BCR: variants seen among roughly 807,000 people sequenced by gnomAD.
BCR encodes the protein BCR activator of RhoGEF and GTPase.
Under a neutral mutation model 138.6 loss-of-function variants are expected in BCR, and 58 were observed. That is an observed-to-expected ratio of 0.42 (90% CI 0.34 to 0.52). The LOEUF is 0.52. Among genes scored for constraint, BCR ranks in the 20% least tolerant of loss-of-function variants. BCR has a pLI of 0.06. For missense variants in BCR, 1,599 were observed against 1,727.2 expected (o/e 0.93, Z 1.32); for synonymous variants, 786 against 730.1 (o/e 1.08, Z -1.23).
intron 1 of BCR, among the ~76,000 whole-genome samples, chr22:23,243,519 G>C (rs905345128): frequency 2.0e-5 from 3 of 152,136 alleles, no homozygotes; most frequent in African/African-American, 4.8e-5. Context: ...AGAGGCCATG[G>C]AAGCTCCCCC....
chr22:23,295,273 G>A (rs1283768602), intron 16 of BCR, 118 bp downstream of exon 16: 5 of 1,273,832 alleles, frequency 3.9e-6, no homozygotes, highest in South Asian at 3.0e-5. Flanking sequence ...GTGGGCAGCT[G>A]TGGCTCTGAA....
rs753244647 is a variant in BCR at position 23,235,323 on chromosome 22, G to T, written c.1280-18476G>T. On this transcript the variant is annotated intron_variant, in intron 1 of 22. Coordinates refer to ENST00000305877, the MANE Select transcript of BCR (RefSeq NM_004327.4). ...TCGAACTCCTGACCTCAAGTGATCC[G>T]CCTGCCTTGGCATCCCAAAGTGCTG... Among the ~76,000 whole-genome samples the T allele has an allele frequency of 4.2e-5, 6 of 144,050 alleles. 2 individuals carry two copies. The highest frequency in any genetic ancestry group is 9.5e-5 in the Non-Finnish European group (6 of 63,372). 94.5% of individuals were successfully genotyped at this position (144,050 alleles called of 152,430 possible).
intron 5 of BCR, among the ~76,000 whole-genome samples, 168 bp downstream of exon 5, chr22:23,268,683 C>T (rs1423593832): frequency 6.6e-6 from 1 of 152,168 alleles, no homozygotes; most frequent in African/African-American, 2.4e-5. Flanking sequence ...TGCTGTTGTG[C>T]GCAGACCGAA....
At chr22:23,297,971 C>G (rs2073864501) in intron 16 of BCR, among the ~76,000 whole-genome samples, 1 of 152,226 alleles carries the variant, frequency 6.6e-6, no homozygotes, top group Non-Finnish European at 1.5e-5. Context: ...CACCCCACCC[C>G]ATCCCGGGGA....
Position 23,180,929 on chromosome 22 carries a change from A to G in BCR, c.-32A>G, listed in dbSNP as rs1289132709. The G allele has an allele frequency of 9.7e-6, 11 of 1,128,524 alleles. No individual in the cohort carries two copies. Among genetic ancestry groups the G allele is most frequent in the African/African-American group, 6.7e-5 (4 of 60,108 alleles). The allele number at this position is 1,128,524 out of a possible 1,614,324, so 69.9% of individuals were successfully genotyped here. ...CGCCGCTGAGACGGGCCCCGCGCGC[A>G]GCCCGGCGGCGCAGGTAAGGCCGGC... On this transcript the variant is annotated 5_prime_UTR_variant, in exon 1 of 23. Transcript: ENST00000305877.
chr22:23,264,052 G>A, intron 4 of BCR: 1 of 1,054,368 alleles, frequency 9.5e-7, no homozygotes, highest in Non-Finnish European at 1.5e-6. Context: ...CTCTCCTGTG[G>A]CTATGACACC....
At chr22:23,235,096 GT>G (rs1360116595) in intron 1 of BCR, among the ~76,000 whole-genome samples, 1 of 143,802 alleles carries the variant, frequency 7.0e-6, no homozygotes, top group Non-Finnish European at 1.6e-5. Context: ...GTTCTGTGGG[GT>G]TTTTTGTTTT....
intron 2 of BCR, among the ~76,000 whole-genome samples, chr22:23,254,215 A>T (rs368207741): frequency 4.3e-4 from 65 of 152,078 alleles, no homozygotes; most frequent in African/African-American, 1.4e-3. Context: ...GGCAGGCAGC[A>T]TGTGGTCTTG....
intron 1 of BCR, chr22:23,199,324 T>A: frequency 3.9e-6 from 2 of 518,360 alleles, no homozygotes; most frequent in Non-Finnish European, 7.7e-6. Context: ...CCGCCATGCC[T>A]GTGTCATCTC....
chr22:23,263,506 C>G (rs2146278802), intron 4 of BCR: 1 of 1,572,308 alleles, frequency 6.4e-7, no homozygotes, highest in East Asian at 2.2e-5. Flanking sequence ...GAGGATGATG[C>G]TTTGTACATA....
At chr22:23,290,445 C>T (rs763242656) in intron 14 of BCR, 32 bp downstream of exon 14, 239 of 1,601,982 alleles carry the variant, frequency 1.5e-4, no homozygotes, top group Non-Finnish European at 1.8e-4. Context: ...AGGGTTGCAG[C>T]GGCCGAGCCA....
chr22:23,269,801 A>G (rs2073488915), intron 5 of BCR, among the ~76,000 whole-genome samples: 1 of 152,238 alleles, frequency 6.6e-6, no homozygotes, highest in South Asian at 2.1e-4. Context: ...TTGACAAATC[A>G]GGGACCTGAT....
chr22:23,297,053 C>T (rs1462212486), intron 16 of BCR, among the ~76,000 whole-genome samples: 3 of 151,998 alleles, frequency 2.0e-5, no homozygotes, highest in Non-Finnish European at 4.4e-5. Flanking sequence ...TCTTTGTTTT[C>T]TTGAGGCAGT....
At chr22:23,301,142 A>G (rs2073897936) in intron 16 of BCR, among the ~76,000 whole-genome samples, 1 of 152,368 alleles carries the variant, frequency 6.6e-6, no homozygotes. Flanking sequence ...CGTCTCTACT[A>G]AAAACACAAA....
At chr22:23,238,924 G>A (rs1227146661) in intron 1 of BCR, among the ~76,000 whole-genome samples, 3 of 152,044 alleles carry the variant, frequency 2.0e-5, no homozygotes, top group Non-Finnish European at 2.9e-5. Flanking sequence ...GTCCTCTGTC[G>A]GGTCGGGTCA....
chr22:23,202,721 T>TTG (rs58577462), intron 1 of BCR, among the ~76,000 whole-genome samples: 4,825 of 142,822 alleles, frequency 0.034, 106 homozygotes, highest in African/African-American at 0.06. Flanking sequence ...ATTCAATTGT[T>TTG]TGTGTGTGTG....
chr22:23,245,625 A>G (rs1183838686), intron 1 of BCR, among the ~76,000 whole-genome samples: 3 of 152,100 alleles, frequency 2.0e-5, no homozygotes, highest in African/African-American at 7.2e-5. Flanking sequence ...GCAGAGGAGG[A>G]GAAAGTAGAG....
intron 1 of BCR, among the ~76,000 whole-genome samples, chr22:23,194,217 C>G (rs2146203003): frequency 6.6e-6 from 1 of 152,308 alleles, no homozygotes; most frequent in East Asian, 1.9e-4. Flanking sequence ...AAGCTTTCCA[C>G]TTTCTCCCTT....
intron 1 of BCR, among the ~76,000 whole-genome samples, chr22:23,183,637 C>T (rs1203178372): frequency 6.6e-6 from 1 of 152,234 alleles, no homozygotes; most frequent in African/African-American, 2.4e-5. Context: ...CTTGTGGTTA[C>T]TGGGCACCAG....
Sources: gnomAD v4.1 joint callset for allele counts (sites outside exome capture counted in the v4.1 genomes callset) on GRCh38, gnomAD v4.1.1 for gene constraint, MANE v1.5 for transcripts, NCBI Gene and HGNC (gene_info 2026-07-23, HGNC 2026-07-21) for gene names.